WIF1: variants seen among roughly 807,000 people sequenced by gnomAD.
WIF1 encodes Wnt inhibitory factor 1.
Under a neutral mutation model 53.5 loss-of-function variants are expected in WIF1, and 35 were observed. The observed-to-expected ratio is 0.65, with a 90% CI of 0.50 to 0.87. The LOEUF (loss-of-function observed/expected upper bound fraction) is 0.87, where lower values mean the gene tolerates loss of function less well. WIF1 is among the 40% of genes least tolerant of loss of function. The pLI, the probability that WIF1 is intolerant of heterozygous loss-of-function variation, is 0.00. For synonymous variants in WIF1, 171 were observed against 170.4 expected (o/e 1.00, Z -0.03); for missense variants, 467 against 476.8 (o/e 0.98, Z 0.19).
At chr12:65,053,709 A>T (rs1882478853) in intron 9 of WIF1, among the ~76,000 whole-genome samples, 1 of 152,184 alleles carries the variant, frequency 6.6e-6, no homozygotes, top group Non-Finnish European at 1.5e-5. Context: ...ACCAGATACC[A>T]ACCTACCTTA....
At chr12:65,109,498 T>C (rs1388769203) in intron 2 of WIF1, among the ~76,000 whole-genome samples, 1 of 152,182 alleles carries the variant, frequency 6.6e-6, no homozygotes, top group Non-Finnish European at 1.5e-5. Context: ...ACATACATAA[T>C]ACCACAGTTA....
chr12:65,051,667 T>C (rs1882444324), intron 9 of WIF1, among the ~76,000 whole-genome samples, 197 bp from the exon 10 acceptor site: 1 of 152,238 alleles, frequency 6.6e-6, no homozygotes, highest in African/African-American at 2.4e-5. Flanking sequence ...AAACCAGGTT[T>C]CCATTGGATT....
At chr12:65,084,685 A>G (rs933316254) in intron 2 of WIF1, among the ~76,000 whole-genome samples, 1 of 152,206 alleles carries the variant, frequency 6.6e-6, no homozygotes, top group African/African-American at 2.4e-5. Flanking sequence ...GGCATTTGAA[A>G]AATATCTGCT....
intron 2 of WIF1, among the ~76,000 whole-genome samples, chr12:65,081,317 T>A (rs1882945974): frequency 6.6e-6 from 1 of 152,188 alleles, no homozygotes; most frequent in African/African-American, 2.4e-5. Flanking sequence ...AAATAGCTTC[T>A]GAACGCCTCT....
At position 65,072,457 on chromosome 12, in the gene WIF1, G is replaced by C. The variant is rs566196741; in HGVS notation, c.398-3553C>G. Reference sequence around the variant, plus strand: ...GGTTTGCATCCTTTGTTAAGGATGAGAATTCTCAAAGGCAAGAACTATATC... The same window carrying C: ...GGTTTGCATCCTTTGTTAAGGATGACAATTCTCAAAGGCAAGAACTATATC... On this transcript the variant is annotated intron_variant, in intron 3 of 9. Transcript: ENST00000286574. Among the ~76,000 whole-genome samples, 44 of 152,282 alleles carry C rather than the reference G, an allele frequency of 2.9e-4. No homozygotes were observed. The East Asian group carries it at 7.9e-3, about 27-fold the overall frequency.
intron 2 of WIF1, among the ~76,000 whole-genome samples, chr12:65,106,373 ATTTTTT>A (rs778399925): frequency 5.8e-4 from 82 of 142,402 alleles, no homozygotes; most frequent in African/African-American, 1.8e-3. Flanking sequence ...ATATATATAT[ATTTTTT>A]TTTATTTTTT....
chr12:65,067,739 A>T lies in WIF1; in HGVS notation c.590T>A (p.Ile197Asn), dbSNP rs1339467146. The T allele has an allele frequency of 6.2e-7, 1 of 1,613,444 alleles. No individual in the cohort carries two copies. Among genetic ancestry groups the T allele is most frequent in the Admixed American group, 1.7e-5 (1 of 59,954 alleles). ...GTGGAACCCATCAGGACACTCGCAG[A>T]TGCGTCTTTCATTACAAAAGCCTCC... Reference protein sequence around the residue: ...RNGGFCNERRICECPDGFHGP... With the variant: ...RNGGFCNERRNCECPDGFHGP... Residue 197 changes from isoleucine (I) to asparagine (N), a missense_variant, in exon 5 of 10, where the codon ATC becomes AAC. Transcript: ENST00000286574.
intron 2 of WIF1, among the ~76,000 whole-genome samples, chr12:65,094,924 A>G (rs930013691): frequency 6.9e-6 from 1 of 145,698 alleles, no homozygotes; most frequent in Non-Finnish European, 1.5e-5. Context: ...TTATTTATTT[A>G]TTTATTTATT....
At chr12:65,102,289 T>C (rs1168387605) in intron 2 of WIF1, among the ~76,000 whole-genome samples, 5 of 152,114 alleles carry the variant, frequency 3.3e-5, no homozygotes, top group African/African-American at 1.2e-4. Context: ...GCTGACATGA[T>C]TATGGAGGCT....
In WIF1 at chr12:65,121,141, G is replaced by A. The variant is rs577090751; in HGVS notation, c.51C>T (p.Ile17=). 36 of 1,550,502 alleles carry A rather than the reference G, an allele frequency of 2.3e-5. No individual in the cohort carries two copies. In the East Asian group the frequency reaches 8.1e-4, roughly 35 times the overall value. Residue 17 remains isoleucine (I), a synonymous_variant, in exon 1 of 10, where the codon ATC becomes ATT. Transcript: ENST00000286574. ...FPAAALWLWS[I]LLCLLALRAE... ...CCCGCAGTGCCAGCAGGCACAGGAG[G>A]ATGCTCCAGAGCCAGAGCGCGGCGG...
At chr12:65,067,577 T>A in intron 5 of WIF1, 118 bp downstream of exon 5, 2 of 1,050,032 alleles carry the variant, frequency 1.9e-6, no homozygotes, top group Non-Finnish European at 1.4e-6. Context: ...CAAAATTTTC[T>A]GCCCCTGTGA....
intron 2 of WIF1, among the ~76,000 whole-genome samples, chr12:65,078,499 T>G (rs1882899149): frequency 6.6e-6 from 1 of 152,216 alleles, no homozygotes; most frequent in Non-Finnish European, 1.5e-5. Flanking sequence ...CTCAGCTATT[T>G]TAATCATTCT....
intron 5 of WIF1, among the ~76,000 whole-genome samples, chr12:65,067,386 AC>A (rs1321443075): frequency 2.0e-5 from 3 of 152,048 alleles, no homozygotes; most frequent in Non-Finnish European, 4.4e-5. Context: ...GAATCAAGCT[AC>A]TTTCAACTGG....
intron 1 of WIF1, chr12:65,120,787 G>T: frequency 1.3e-6 from 1 of 754,336 alleles, no homozygotes; most frequent in Non-Finnish European, 2.0e-6. Flanking sequence ...GTTAACCGAC[G>T]CAAAAAAATG....
At chr12:65,076,324 AC>A (rs144790595) in intron 3 of WIF1, among the ~76,000 whole-genome samples, 3,838 of 152,234 alleles carry the variant, frequency 0.025, 180 homozygotes, top group African/African-American at 0.088. Context: ...GGTATGAGTC[AC>A]CACACCTGGC....
rs1883606562 is a variant in WIF1 at position 65,121,228 on chromosome 12, C to T, written c.-37G>A. On this transcript the variant is annotated 5_prime_UTR_variant, in exon 1 of 10. Transcript: ENST00000286574. ...CCTCCTCGCTGCCGGGAAAACTCCT[C>T]GTGCCGCACCTACGCAACCTGGCGC... 5 of 1,409,730 alleles carry T rather than the reference C, an allele frequency of 3.5e-6. No individual in the cohort carries two copies. The highest frequency in any genetic ancestry group is 2.6e-4 in the Middle Eastern group (1 of 3,900). 87.3% of individuals were successfully genotyped at this position (1,409,730 alleles called of 1,614,324 possible). A position where few individuals can be genotyped will look rare whatever the true frequency, so the allele number is the denominator to read the frequency against.
At chr12:65,082,852 A>G (rs1303000523) in intron 2 of WIF1, among the ~76,000 whole-genome samples, 1 of 152,196 alleles carries the variant, frequency 6.6e-6, no homozygotes, top group African/African-American at 2.4e-5. Flanking sequence ...AATAAGCACA[A>G]TAATTGTAGG....
chr12:65,088,149 G>A (rs1883067756), intron 2 of WIF1, among the ~76,000 whole-genome samples: 1 of 152,066 alleles, frequency 6.6e-6, no homozygotes, highest in Non-Finnish European at 1.5e-5. Flanking sequence ...AATCTATATG[G>A]CCAACTTCAA....
At chr12:65,112,408 A>T (rs868541938) in intron 2 of WIF1, among the ~76,000 whole-genome samples, 1,386 of 127,020 alleles carry the variant, frequency 0.011, 24 homozygotes, top group African/African-American at 0.058. Context: ...CTCTAATCAC[A>T]CACACACACA....
Sources: allele counts gnomAD v4.1 joint callset (sites outside exome capture counted in the v4.1 genomes callset), GRCh38; gene constraint gnomAD v4.1.1; transcripts MANE v1.5; gene names NCBI Gene and HGNC (gene_info 2026-07-23, HGNC 2026-07-21).